The following GAD2 variants were observed in gnomAD, a reference collection of about 807,000 sequenced individuals.
GAD2 encodes 65 kDa glutamic acid decarboxylase.
In GAD2, 22 loss-of-function variants were observed where a neutral mutation model predicts 80.1. The ratio of observed to expected loss-of-function variants is 0.27; its 90% CI spans 0.20 to 0.39. The LOEUF (loss-of-function observed/expected upper bound fraction) is 0.39, where lower values mean the gene tolerates loss of function less well. Among genes scored for constraint, GAD2 ranks in the 10% least tolerant of loss-of-function variants. The pLI is 1.00. For missense variants in GAD2, 624 were observed against 738.4 expected (o/e 0.85, Z 1.80); for synonymous variants, 274 against 256.9 (o/e 1.07, Z -0.64).
chr10:26,291,423 G>A (rs1306531676), intron 13 of GAD2, among the ~76,000 whole-genome samples: 3 of 142,592 alleles, frequency 2.1e-5, no homozygotes, highest in Non-Finnish European at 4.4e-5. Flanking sequence ...TGGGGGAGCA[G>A]TCTCCAAAGA....
At chr10:26,235,952 G>A (rs1844664895) in intron 7 of GAD2, among the ~76,000 whole-genome samples, 1 of 152,068 alleles carries the variant, frequency 6.6e-6, no homozygotes, top group South Asian at 2.1e-4. Flanking sequence ...ACAAACAGTG[G>A]CTCTTTAGGC....
rs1477748838 is a variant in GAD2 at position 26,253,170 on chromosome 10, G to A, written c.920+7170G>A. 3.9e-5 allele frequency among the ~76,000 whole-genome samples: 6 copies of A among 152,218 alleles called. No individual in the cohort carries two copies. In the South Asian group the frequency reaches 1.0e-3, roughly 26 times the overall value. The stretch of plus-strand genomic sequence containing the variant: ...AAGGTAATGTAAAACTTCAGTTCTC[G>A]TGGCTTTCATTTTGATGTGAAGCAT... On this transcript the variant is annotated intron_variant, in intron 8 of 15. Transcript: ENST00000376261.
At chr10:26,239,367 G>A (rs2132282962) in intron 7 of GAD2, among the ~76,000 whole-genome samples, 1 of 152,296 alleles carries the variant, frequency 6.6e-6, no homozygotes, top group South Asian at 2.1e-4. Context: ...TAGGCCTTCT[G>A]GAGCAGGTGC....
intron 9 of GAD2, among the ~76,000 whole-genome samples, chr10:26,269,592 G>A (rs373360721): frequency 9.2e-5 from 14 of 152,276 alleles, no homozygotes; most frequent in East Asian, 1.9e-4. Context: ...CTCTCCAGAC[G>A]TCTTATTTTG....
At chr10:26,218,281 A>G (rs1286691037) in intron 3 of GAD2, 5 of 339,630 alleles carry the variant, frequency 1.5e-5, no homozygotes, top group African/African-American at 2.1e-5. Context: ...TCGTGCGCTC[A>G]CTGAATCGAT....
intron 15 of GAD2, among the ~76,000 whole-genome samples, chr10:26,299,399 T>C (rs759777682): frequency 2.0e-5 from 3 of 152,196 alleles, no homozygotes; most frequent in Non-Finnish European, 4.4e-5. Context: ...CAAAGAAGTC[T>C]AAAAGTTTCT....
chr10:26,269,708 C>G (rs1169305964), intron 9 of GAD2, among the ~76,000 whole-genome samples: 5 of 152,220 alleles, frequency 3.3e-5, no homozygotes, highest in African/African-American at 4.8e-5. Flanking sequence ...GCTCACAAAT[C>G]AGAGAATTTG....
chr10:26,303,458 G>GGAAA lies in GAD2; in HGVS notation c.*2498_*2499insAAAG, dbSNP rs1272541116. 1 of 139,586 alleles carries GGAAA rather than the reference G, an allele frequency of 7.2e-6. No homozygotes were observed. Among genetic ancestry groups the GGAAA allele is most frequent in the Non-Finnish European group, 1.6e-5 (1 of 63,454 alleles). The allele number at this position is 139,586 out of a possible 1,614,324, so 8.6% of individuals were successfully genotyped here. A position where few individuals can be genotyped will look rare whatever the true frequency, so the allele number is the denominator to read the frequency against. On this transcript the variant is annotated 3_prime_UTR_variant, in exon 16 of 16. Coordinates refer to ENST00000376261, the MANE Select transcript of GAD2 (RefSeq NM_001134366.2). ...AGTAAGGGAGGAAGGGAGGGAGGGA[G>GGAAA]GGAGGGAGGGAAGGAGGGAGGGAGG...
At chr10:26,277,534 T>C (rs1033346507) in intron 11 of GAD2, among the ~76,000 whole-genome samples, 1 of 152,180 alleles carries the variant, frequency 6.6e-6, no homozygotes, top group Non-Finnish European at 1.5e-5. Flanking sequence ...TGGCATTAAC[T>C]CTGCATTAGA....
chr10:26,226,962 A>G (rs1432322837), intron 6 of GAD2, among the ~76,000 whole-genome samples: 1 of 152,144 alleles, frequency 6.6e-6, no homozygotes, highest in East Asian at 1.9e-4. Flanking sequence ...GGGTTTTCAT[A>G]ATGTTTCAGC....
chr10:26,231,928 A>G (rs1416782470), intron 7 of GAD2, among the ~76,000 whole-genome samples: 2 of 152,122 alleles, frequency 1.3e-5, no homozygotes, highest in African/African-American at 4.8e-5. Flanking sequence ...GGATCTACTC[A>G]GATAATCCAG....
At chr10:26,283,667 GCTAGAGCCCAAACTGTGGGGA>G (rs1206648481) in intron 12 of GAD2, among the ~76,000 whole-genome samples, 1 of 152,212 alleles carries the variant, frequency 6.6e-6, no homozygotes, top group Non-Finnish European at 1.5e-5. Context: ...GTTCCATCAA[GCTAGAGCCCAAACTGTGGGGA>G]CCATTTGGTA....
chr10:26,276,530 C>T (rs1004782565), intron 11 of GAD2, among the ~76,000 whole-genome samples: 7 of 152,052 alleles, frequency 4.6e-5, no homozygotes, highest in African/African-American at 1.2e-4. Flanking sequence ...TACAGGTATG[C>T]GCCACCATGC....
intron 15 of GAD2, among the ~76,000 whole-genome samples, chr10:26,294,814 G>T (rs181938370): frequency 6.6e-6 from 1 of 152,268 alleles, no homozygotes; most frequent in Non-Finnish European, 1.5e-5. Context: ...AGAATAGGGG[G>T]TGCGGGTGTC....
chr10:26,292,680 G>A, intron 14 of GAD2, 108 bp downstream of exon 14: 1 of 912,584 alleles, frequency 1.1e-6, no homozygotes, highest in Non-Finnish European at 1.8e-6. Context: ...GATTACAGAG[G>A]GGAGCAGTGG....
intron 7 of GAD2, among the ~76,000 whole-genome samples, chr10:26,230,058 C>T (rs1258066839): frequency 6.6e-6 from 1 of 151,672 alleles, no homozygotes; most frequent in Non-Finnish European, 1.5e-5. Flanking sequence ...CACCTATGAT[C>T]CTAGGACGCT....
At chr10:26,218,093 G>C in intron 3 of GAD2, 102 bp downstream of exon 3, 4 of 1,272,974 alleles carry the variant, frequency 3.1e-6, no homozygotes, top group African/African-American at 3.1e-5. Flanking sequence ...CAGGGGCGTC[G>C]AGGTGGCAGC....
At chr10:26,285,978 T>G (rs1267319687) in intron 12 of GAD2, among the ~76,000 whole-genome samples, 2 of 152,142 alleles carry the variant, frequency 1.3e-5, no homozygotes, top group African/African-American at 2.4e-5. Flanking sequence ...AAAACCAGAA[T>G]AGTAGGATAT....
At chr10:26,272,336 C>T (rs1489660290) in intron 10 of GAD2, among the ~76,000 whole-genome samples, 1 of 152,148 alleles carries the variant, frequency 6.6e-6, no homozygotes, top group Non-Finnish European at 1.5e-5. Flanking sequence ...GATTACCCGG[C>T]AACTTCAAAA....
Sources: gnomAD v4.1 joint callset for allele counts (sites outside exome capture counted in the v4.1 genomes callset) on GRCh38, gnomAD v4.1.1 for gene constraint, MANE v1.5 for transcripts, NCBI Gene and HGNC (gene_info 2026-07-23, HGNC 2026-07-21) for gene names.